MYRIP: variants seen among roughly 807,000 people sequenced by gnomAD.
MYRIP encodes myosin VIIA and Rab interacting protein.
Under a neutral mutation model 98.0 loss-of-function variants are expected in MYRIP, and 49 were observed. That is an observed-to-expected ratio of 0.50 (90% CI 0.40 to 0.63). The LOEUF is 0.63. Ranked by LOEUF, MYRIP falls within the 30% of genes least tolerant of loss-of-function variation. The probability of loss-of-function intolerance (pLI) is 0.00; values close to 1 mark genes in which losing one functional copy is unlikely to be tolerated. For missense variants in MYRIP, 1,004 were observed against 1,058.2 expected (o/e 0.95, Z 0.71); for synonymous variants, 404 against 409.5 (o/e 0.99, Z 0.16).
intron 1 of MYRIP, among the ~76,000 whole-genome samples, chr3:39,878,195 G>T (rs139798229): frequency 6.6e-6 from 1 of 152,186 alleles, no homozygotes; most frequent in Non-Finnish European, 1.5e-5. Flanking sequence ...TAGGCCTGTC[G>T]GAGAAGCGCA....
chr3:40,126,731 CTTAAGT>C (rs1296974877), intron 3 of MYRIP, among the ~76,000 whole-genome samples: 2 of 152,008 alleles, frequency 1.3e-5, no homozygotes, highest in Non-Finnish European at 2.9e-5. Flanking sequence ...ATCATTGTAC[CTTAAGT>C]TTATTTGACG....
In MYRIP at chr3:40,159,547, G is replaced by T. The variant is rs563950542; in HGVS notation, c.470-3183G>T. On this transcript the variant is annotated intron_variant, in intron 4 of 16. Transcript: ENST00000302541. ...CTGAATCTGAATGTTGGCCTGCCTT[G>T]CTAGATTGGGGAAGTTCTCCTGGAT... Among the ~76,000 whole-genome samples, 4 of 151,734 alleles carry T rather than the reference G, an allele frequency of 2.6e-5. No homozygotes were observed. The East Asian group carries it at 7.7e-4, about 29-fold the overall frequency.
chr3:39,992,915 G>T (rs979428867), intron 2 of MYRIP, among the ~76,000 whole-genome samples: 4 of 151,934 alleles, frequency 2.6e-5, no homozygotes, highest in Non-Finnish European at 5.9e-5. Context: ...CTTTTTCATT[G>T]TCAGGGACCC....
intron 1 of MYRIP, among the ~76,000 whole-genome samples, chr3:39,880,019 A>G (rs1943119214): frequency 6.6e-6 from 1 of 152,090 alleles, no homozygotes; most frequent in Non-Finnish European, 1.5e-5. Context: ...GATCTTACCC[A>G]GTGCATATGG....
intron 2 of MYRIP, among the ~76,000 whole-genome samples, chr3:39,981,270 A>G (rs2125758990): frequency 6.6e-6 from 1 of 152,296 alleles, no homozygotes; most frequent in South Asian, 2.1e-4. Context: ...TTTACACAAA[A>G]ACATTGCCAA....
intron 2 of MYRIP, among the ~76,000 whole-genome samples, chr3:39,955,050 T>A (rs1945120777): frequency 6.6e-6 from 1 of 152,172 alleles, no homozygotes; most frequent in South Asian, 2.1e-4. Context: ...TACATCTGAT[T>A]GGCGTACCTG....
intron 11 of MYRIP, among the ~76,000 whole-genome samples, chr3:40,217,538 A>T (rs540282417): frequency 6.6e-6 from 1 of 152,300 alleles, no homozygotes; most frequent in Admixed American, 6.5e-5. Flanking sequence ...AAATACTCAT[A>T]AATACTGAAT....
At chr3:40,104,479 G>A (rs1018511636) in intron 3 of MYRIP, among the ~76,000 whole-genome samples, 18 of 152,102 alleles carry the variant, frequency 1.2e-4, no homozygotes, top group African/African-American at 1.7e-4. Flanking sequence ...TACTAATATC[G>A]TAACAGGCAC....
At chr3:40,238,165 T>C (rs544090461) in intron 12 of MYRIP, among the ~76,000 whole-genome samples, 7 of 152,350 alleles carry the variant, frequency 4.6e-5, no homozygotes, top group African/African-American at 1.7e-4. Context: ...TCTCCTTCCC[T>C]TCCCCCATCC....
intron 2 of MYRIP, among the ~76,000 whole-genome samples, chr3:40,015,158 G>C (rs144953414): frequency 6.6e-6 from 1 of 152,306 alleles, no homozygotes; most frequent in Non-Finnish European, 1.5e-5. Context: ...GTTGCATTTT[G>C]TTCTTGCTGG....
In MYRIP at chr3:39,943,102, C is replaced by G. The variant is rs552988890; in HGVS notation, c.110+42176C>G. On this transcript the variant is annotated intron_variant, in intron 2 of 16. Coordinates refer to ENST00000302541, the MANE Select transcript of MYRIP (RefSeq NM_015460.4). Reference sequence around the variant, plus strand: ...TGTTCTCTAGACTCATCTGAGGCACCCATGACTGAGACTGGGTTCAAGAAT... The same window carrying G: ...TGTTCTCTAGACTCATCTGAGGCACGCATGACTGAGACTGGGTTCAAGAAT... Among the ~76,000 whole-genome samples the G allele has an allele frequency of 3.9e-5, 6 of 152,176 alleles. No individual in the cohort carries two copies. In the South Asian group the frequency reaches 1.2e-3, roughly 32 times the overall value.
At chr3:40,168,772 C>T (rs1413401053) in intron 7 of MYRIP, among the ~76,000 whole-genome samples, 1 of 152,202 alleles carries the variant, frequency 6.6e-6, no homozygotes, top group Non-Finnish European at 1.5e-5. Context: ...TACTGACTCC[C>T]CCCTCTCATC....
chr3:40,224,538 G>A (rs1952436348), intron 11 of MYRIP, among the ~76,000 whole-genome samples: 1 of 152,110 alleles, frequency 6.6e-6, no homozygotes, highest in Non-Finnish European at 1.5e-5. Context: ...TCCCCGCTTA[G>A]TTTCCTTTGC....
chr3:39,848,928 A>C (rs1483848993), intron 1 of MYRIP, among the ~76,000 whole-genome samples: 1 of 152,216 alleles, frequency 6.6e-6, no homozygotes, highest in African/African-American at 2.4e-5. Context: ...CCTAGGAAAA[A>C]TATGCCATAG....
chr3:40,047,103 C>G (rs1294093140), intron 3 of MYRIP, among the ~76,000 whole-genome samples: 2 of 152,166 alleles, frequency 1.3e-5, no homozygotes, highest in Admixed American at 6.5e-5. Flanking sequence ...AACCTTGCCT[C>G]GCAAAAGCAA....
In MYRIP at chr3:40,130,868, C is replaced by G. The variant is rs141482318; in HGVS notation, c.333-20180C>G. On this transcript the variant is annotated intron_variant, in intron 3 of 16. Coordinates refer to ENST00000302541, the MANE Select transcript of MYRIP (RefSeq NM_015460.4). ...CCTGATCCTCTTCCTATATTCCTAT[C>G]CTGGCTAGTTATATGACCATCACAA... Among the ~76,000 whole-genome samples, 718 of 152,208 alleles carry G rather than the reference C, an allele frequency of 4.7e-3. 1 individual carries two copies. Among genetic ancestry groups the G allele is most frequent in the Non-Finnish European group, 6.7e-3 (453 of 68,008 alleles).
chr3:39,997,321 A>C (rs1329145281), intron 2 of MYRIP, among the ~76,000 whole-genome samples: 1 of 152,176 alleles, frequency 6.6e-6, no homozygotes, highest in East Asian at 1.9e-4. Context: ...AGAAGAATCA[A>C]AAAGATGGAA....
intron 10 of MYRIP, 107 bp from the exon 11 acceptor site, chr3:40,209,747 C>T: frequency 2.1e-6 from 3 of 1,462,416 alleles, no homozygotes; most frequent in Non-Finnish European, 9.2e-7. Flanking sequence ...CTGTTACTTT[C>T]CTAGACTATA....
chr3:39,837,568 G>C (rs891663534), intron 1 of MYRIP, among the ~76,000 whole-genome samples: 1 of 152,068 alleles, frequency 6.6e-6, no homozygotes, highest in African/African-American at 2.4e-5. Context: ...CTGTTCCATT[G>C]GTCTATATAT....
Sources: gnomAD v4.1 joint callset for allele counts (sites outside exome capture counted in the v4.1 genomes callset) on GRCh38, gnomAD v4.1.1 for gene constraint, MANE v1.5 for transcripts, NCBI Gene and HGNC (gene_info 2026-07-23, HGNC 2026-07-21) for gene names.